Variants in KATNAL1 observed in about 807,000 individuals in gnomAD.
The protein encoded by KATNAL1 is katanin catalytic subunit A1 like 1, also known as katanin p60 ATPase-containing subunit A-like 1.
KATNAL1 carries 32 observed loss-of-function variants against 55.2 expected under a neutral mutation model. The observed-to-expected ratio is 0.58, with a 90% CI of 0.44 to 0.78. The LOEUF (loss-of-function observed/expected upper bound fraction) is 0.78, where lower values mean the gene tolerates loss of function less well. Among genes scored for constraint, KATNAL1 ranks in the 30% least tolerant of loss-of-function variants. KATNAL1 has a pLI of 0.00. For synonymous variants in KATNAL1, 193 were observed against 193.6 expected (o/e 1.00, Z 0.02); for missense variants, 466 against 600.9 (o/e 0.78, Z 2.35).
intron 3 of KATNAL1, among the ~76,000 whole-genome samples, chr13:30,274,905 GCGCACACACACACACACACACA>G (rs1880701992): frequency 1.2e-5 from 1 of 84,310 alleles, no homozygotes; most frequent in African/African-American, 4.2e-5. Flanking sequence ...GCGCGCGCGC[GCGCACACACACACACACACACA>G]CACACACACA....
chr13:30,284,508 T>C (rs1881640853), intron 1 of KATNAL1, among the ~76,000 whole-genome samples: 1 of 152,174 alleles, frequency 6.6e-6, no homozygotes, highest in Non-Finnish European at 1.5e-5. Context: ...AAACTAGTTA[T>C]CACTAAAACT....
chr13:30,259,336 T>C (rs1021339768), intron 3 of KATNAL1, among the ~76,000 whole-genome samples: 6 of 148,306 alleles, frequency 4.0e-5, no homozygotes, highest in African/African-American at 1.5e-4. Flanking sequence ...CAAGGCTCCA[T>C]CTCAAAGAAA....
intron 1 of KATNAL1, among the ~76,000 whole-genome samples, chr13:30,300,196 T>C (rs1164145288): frequency 6.6e-6 from 1 of 152,236 alleles, no homozygotes; most frequent in Non-Finnish European, 1.5e-5. Flanking sequence ...AAAACATTTT[T>C]TAAACTAATT....
intron 3 of KATNAL1, among the ~76,000 whole-genome samples, chr13:30,277,982 C>CAAAAAAAAAAAAAAAAA (rs55683675): frequency 4.9e-5 from 3 of 61,312 alleles, no homozygotes; most frequent in African/African-American, 2.1e-4. Flanking sequence ...GACTCCGTCT[C>CAAAAAAAAAAAAAAAAA]AAAAAAAAAA....
At chr13:30,285,318 A>C (rs1215590850) in intron 1 of KATNAL1, among the ~76,000 whole-genome samples, 2 of 102,958 alleles carry the variant, frequency 1.9e-5, no homozygotes, top group Non-Finnish European at 3.7e-5. Flanking sequence ...CTTAAATTGT[A>C]ATAATCACCA....
At chr13:30,210,288 C>T (rs780766683) in intron 10 of KATNAL1, 28 bp downstream of exon 10, 3 of 1,568,424 alleles carry the variant, frequency 1.9e-6, no homozygotes, top group Non-Finnish European at 2.6e-6. Flanking sequence ...TAACTAATGT[C>T]TAAAATCACA....
At chr13:30,248,627 T>A (rs563010800) in intron 4 of KATNAL1, among the ~76,000 whole-genome samples, 3 of 152,188 alleles carry the variant, frequency 2.0e-5, no homozygotes, top group Non-Finnish European at 4.4e-5. Flanking sequence ...TGATTATACC[T>A]AAAAAAGACT....
chr13:30,296,712 G>A, intron 1 of KATNAL1: 1 of 586,110 alleles, frequency 1.7e-6, no homozygotes. Flanking sequence ...TGACGGCGAG[G>A]AATATTTCTC....
chr13:30,253,961 A>C lies in KATNAL1; in HGVS notation c.492+1486T>G, dbSNP rs1470332512. 1.4e-4 allele frequency among the ~76,000 whole-genome samples: 22 copies of C among 152,174 alleles called. 1 individual carries two copies. The highest frequency in any genetic ancestry group is 1.4e-3 in the Admixed American group (22 of 15,280). On this transcript the variant is annotated intron_variant, in intron 4 of 10. Transcript: ENST00000380615. ...CTGTACCACAGTTTCTTCATCTGTA[A>C]AGTCGGGATAGTAAGACACCTACTT...
chr13:30,210,184 G>T, intron 10 of KATNAL1, 132 bp downstream of exon 10: 1 of 629,728 alleles, frequency 1.6e-6, no homozygotes, highest in Non-Finnish European at 2.4e-6. Flanking sequence ...GGGACAAATG[G>T]GAAACCATTT....
intron 3 of KATNAL1, among the ~76,000 whole-genome samples, chr13:30,270,037 C>T (rs1880157168): frequency 7.4e-6 from 1 of 134,854 alleles, no homozygotes; most frequent in Non-Finnish European, 1.6e-5. Flanking sequence ...GGTGTCAGCC[C>T]CCCGCCCGGC....
chr13:30,274,907 G>GCACACACACACACACACACACA (rs368435407), intron 3 of KATNAL1, among the ~76,000 whole-genome samples: 1 of 105,390 alleles, frequency 9.5e-6, no homozygotes, highest in East Asian at 2.7e-4. Context: ...GCGCGCGCGC[G>GCACACACACACACACACACACA]CACACACACA....
chr13:30,261,686 AC>A lies in KATNAL1; in HGVS notation c.324-6072del, dbSNP rs1197298752. On this transcript the variant is annotated intron_variant, in intron 3 of 10. Transcript: ENST00000380615. ...AGCTAACTATCCTAAATATATATGCACCCAATACAGGAGCACCCAGATTCAT... is the reference window on the plus strand; with the variant it reads ...AGCTAACTATCCTAAATATATATGCACCAATACAGGAGCACCCAGATTCAT... 9.8e-5 allele frequency among the ~76,000 whole-genome samples: 15 copies of A among 152,336 alleles called. No homozygotes were observed. In the East Asian group the frequency reaches 2.9e-3, roughly 29 times the overall value.
intron 2 of KATNAL1, among the ~76,000 whole-genome samples, chr13:30,283,266 C>CAAAAAAAAAA (rs35463025): frequency 8.6e-5 from 3 of 35,086 alleles, no homozygotes; most frequent in African/African-American, 2.9e-4. Context: ...GACTCTGTCT[C>CAAAAAAAAAA]AAAAAAAAAA....
At chr13:30,278,651 G>A (rs1416870943) in intron 3 of KATNAL1, among the ~76,000 whole-genome samples, 1 of 152,206 alleles carries the variant, frequency 6.6e-6, no homozygotes, top group Admixed American at 6.5e-5. Context: ...TCCTATATTT[G>A]AAGTTATTAT....
In KATNAL1 at chr13:30,227,544, C is replaced by T; in HGVS notation, c.1015G>A (p.Val339Ile). Residue 339 changes from valine (V) to isoleucine (I), a missense_variant and splice_region_variant, in exon 9 of 11, where the codon GTT becomes ATT. By Grantham distance (29) the Val-to-Ile change is conservative. Coordinates refer to ENST00000380615, the MANE Select transcript of KATNAL1 (RefSeq NM_032116.5). ...KSELLIQMDG[V>I]GGALENDDPS... ...TCATCATTTTCTAAAGCTCCTCCAACTCCTATACACAGTAAGGGAGGAAAA... is the reference window on the plus strand; with the variant it reads ...TCATCATTTTCTAAAGCTCCTCCAATTCCTATACACAGTAAGGGAGGAAAA... 2 of 1,612,852 alleles carry T rather than the reference C, an allele frequency of 1.2e-6. No individual in the cohort carries two copies. Among genetic ancestry groups the T allele is most frequent in the Non-Finnish European group, 8.5e-7 (1 of 1,179,206 alleles).
chr13:30,237,915 C>T (rs985174483), intron 6 of KATNAL1, among the ~76,000 whole-genome samples: 9 of 152,166 alleles, frequency 5.9e-5, no homozygotes, highest in Non-Finnish European at 1.2e-4. Context: ...ATATTACATC[C>T]AAAAGGTTAC....
chr13:30,224,399 C>G (rs1202282628), intron 9 of KATNAL1, among the ~76,000 whole-genome samples: 1 of 151,770 alleles, frequency 6.6e-6, no homozygotes. Context: ...TAGCCAGGCA[C>G]AGTGACATGT....
At chr13:30,274,865 T>C (rs927460717) in intron 3 of KATNAL1, among the ~76,000 whole-genome samples, 1 of 143,166 alleles carries the variant, frequency 7.0e-6, no homozygotes, top group African/African-American at 2.6e-5. Context: ...GCATATATGT[T>C]GGGGGCGGGG....
Sources: gnomAD v4.1 joint callset for allele counts (sites outside exome capture counted in the v4.1 genomes callset) on GRCh38, gnomAD v4.1.1 for gene constraint, MANE v1.5 for transcripts, NCBI Gene and HGNC (gene_info 2026-07-23, HGNC 2026-07-21) for gene names.